Variants in AFM observed in about 807,000 individuals in gnomAD.
AFM encodes the protein afamin.
AFM carries 82 observed loss-of-function variants against 68.7 expected under a neutral mutation model. The ratio of observed to expected loss-of-function variants is 1.19; its 90% CI spans 1.00 to 1.43. AFM has a LOEUF of 1.43. AFM is among the 40% of genes most tolerant of loss of function. The pLI is 0.00. For missense variants in AFM, 772 were observed against 701.8 expected (o/e 1.10, Z -1.13); for synonymous variants, 250 against 234.2 (o/e 1.07, Z -0.61).
intron 7 of AFM, among the ~76,000 whole-genome samples, chr4:73,490,199 AAAAAG>A (rs1486870004): frequency 6.6e-6 from 1 of 151,930 alleles, no homozygotes; most frequent in Non-Finnish European, 1.5e-5. Flanking sequence ...AAAAAAAAAA[AAAAAG>A]AAAGAAAGAA....
rs1269105669 is a variant in AFM at position 73,488,001 on chromosome 4, G to C, written c.713+180G>C. ...ATTAGGTTGAGATGAGAGAAGTTTTGGGAGGTGAGGAGACCCAAAAGAGAA... is the reference window on the plus strand; with the variant it reads ...ATTAGGTTGAGATGAGAGAAGTTTTCGGAGGTGAGGAGACCCAAAAGAGAA... On this transcript the variant is annotated intron_variant, in intron 6 of 14. Coordinates refer to ENST00000226355, the MANE Select transcript of AFM (RefSeq NM_001133.2). Among the ~76,000 whole-genome samples, 3 of 151,998 alleles carry C rather than the reference G, an allele frequency of 2.0e-5. No homozygotes were observed. The East Asian group carries it at 5.8e-4, about 29-fold the overall frequency.
chr4:73,495,375 A>C lies in AFM; in HGVS notation c.1134A>C (p.Lys378Asn). ...TTTTAAGAATTGTTCAAATATACAAAGATCTCCTGAGAAATTGCTGCAACA... is the reference window on the plus strand; with the variant it reads ...TTTTAAGAATTGTTCAAATATACAACGATCTCCTGAGAAATTGCTGCAACA... ...PELLRIVQIY[K>N]DLLRNCCNTE... The change falls in exon 9 of 15, where the codon AAA (lysine) becomes AAC (asparagine). Residue 378 changes from lysine (K) to asparagine (N), a missense_variant. Lys to Asn is a moderately conservative substitution (Grantham distance 94). Transcript: ENST00000226355. The C allele has an allele frequency of 6.2e-7, 1 of 1,613,464 alleles. No individual in the cohort carries two copies. The highest frequency in any genetic ancestry group is 8.5e-7 in the Non-Finnish European group (1 of 1,179,760).
intron 7 of AFM, among the ~76,000 whole-genome samples, chr4:73,491,665 T>A (rs1721073525): frequency 6.6e-6 from 1 of 152,244 alleles, no homozygotes; most frequent in African/African-American, 2.4e-5. Context: ...CATAATTATA[T>A]CATCTTAAAT....
At chr4:73,499,941 T>G in intron 11 of AFM, 63 bp from the exon 12 acceptor site, 1 of 1,395,288 alleles carries the variant, frequency 7.2e-7, no homozygotes. Context: ...CATCTAACCA[T>G]ATTTTTAGAA....
At chr4:73,496,608 A>G (rs1246626970) in intron 9 of AFM, among the ~76,000 whole-genome samples, 1 of 152,192 alleles carries the variant, frequency 6.6e-6, no homozygotes, top group Non-Finnish European at 1.5e-5. Context: ...TGCACATGGA[A>G]ATTAACTTTG....
At chr4:73,494,902 C>A (rs907406343) in intron 8 of AFM, among the ~76,000 whole-genome samples, 3 of 152,098 alleles carry the variant, frequency 2.0e-5, no homozygotes, top group Non-Finnish European at 4.4e-5. Flanking sequence ...ACATTGTGGG[C>A]GGGAAGGAAG....
At chr4:73,495,181 G>A in intron 8 of AFM, 119 bp from the exon 9 acceptor site, 1 of 926,264 alleles carries the variant, frequency 1.1e-6, no homozygotes, top group East Asian at 2.8e-5. Flanking sequence ...CCAAGACAGA[G>A]GAGAAAATTA....
At chr4:73,485,659 G>A (rs1720878392) in intron 3 of AFM, among the ~76,000 whole-genome samples, 1 of 136,702 alleles carries the variant, frequency 7.3e-6, no homozygotes, top group Non-Finnish European at 1.6e-5. Context: ...AAGAAGGGGA[G>A]GAGGAGGAGG....
intron 4 of AFM, 125 bp from the exon 5 acceptor site, chr4:73,486,838 CTCTT>C (rs1385793701): frequency 7.5e-6 from 7 of 936,244 alleles, no homozygotes; most frequent in South Asian, 1.8e-5. Context: ...CTCTTCTTGT[CTCTT>C]TCTATTTTTT....
At chr4:73,485,825 A>G (rs1359882633) in intron 3 of AFM, 37 bp from the exon 4 acceptor site, 13 of 1,552,348 alleles carry the variant, frequency 8.4e-6, no homozygotes, top group Admixed American at 1.7e-5. Flanking sequence ...TTACTTTACC[A>G]TGACTAAAAA....
At chr4:73,484,519 T>C (rs1720834435) in intron 3 of AFM, 129 bp downstream of exon 3, 3 of 715,616 alleles carry the variant, frequency 4.2e-6, no homozygotes, top group African/African-American at 2.1e-5. Flanking sequence ...TCTTTCTTTC[T>C]TCTTTCTTTC....
intron 7 of AFM, among the ~76,000 whole-genome samples, chr4:73,491,327 C>T (rs1721064914): frequency 6.6e-6 from 1 of 152,110 alleles, no homozygotes; most frequent in Non-Finnish European, 1.5e-5. Flanking sequence ...AAATGATATC[C>T]ATTAGAAAAT....
At position 73,492,172 on chromosome 4, in the gene AFM, C is replaced by T; in HGVS notation, c.1058+86C>T. The T allele has an allele frequency of 3.3e-6, 4 of 1,218,058 alleles. No homozygotes were observed. In the South Asian group the frequency reaches 4.1e-5, roughly 13 times the overall value. The allele number at this position is 1,218,058 out of a possible 1,614,324, so 75.5% of individuals were successfully genotyped here. ...TTTGTTGCTAATTTAGGTGGAAGGA[C>T]ATGGTACCGTTTATTTCACTAGGTA... On this transcript the variant is annotated intron_variant, in intron 8 of 14. Transcript: ENST00000226355.
chr4:73,487,810 T>G lies in AFM; in HGVS notation c.702T>G (p.Val234=). ...CGALLKFGTK[V]VHFIYIAILS... The stretch of plus-strand genomic sequence containing the variant: ...CACTTTTGAAATTTGGAACCAAAGT[T>G]GTACACTTTATGTGAGTTTTATACT... The change falls in exon 6 of 15, where the codon GTT becomes GTG. Residue 234 remains valine, a synonymous_variant. Coordinates refer to ENST00000226355, the MANE Select transcript of AFM (RefSeq NM_001133.2). 1.2e-6 allele frequency: 2 copies of G among 1,600,740 alleles called. No individual in the cohort carries two copies. Among genetic ancestry groups the G allele is most frequent in the Non-Finnish European group, 1.7e-6 (2 of 1,168,052 alleles).
rs1351383834 is a variant in AFM, at chr4:73,481,803, AT to A, written c.35del (p.Phe12SerfsTer5). The A allele has an allele frequency of 2.5e-6, 4 of 1,606,404 alleles. No homozygotes were observed. The highest frequency in any genetic ancestry group is 4.5e-5 in the East Asian group (2 of 44,682). MKLLKLTGF[I>X]FFLFFLTESL... ...GAAACTACTAAAACTTACAGGTTTTATTTTTTTCTTGTTTTTTTTGACTGAA... is the reference window on the plus strand; with the variant it reads ...GAAACTACTAAAACTTACAGGTTTTATTTTTTCTTGTTTTTTTTGACTGAA... On this transcript the variant is annotated frameshift_variant, in exon 1 of 15. Transcript: ENST00000226355. LOFTEE classifies it high-confidence loss of function.
At chr4:73,500,832 T>G (rs897420331) in intron 12 of AFM, among the ~76,000 whole-genome samples, 2 of 152,192 alleles carry the variant, frequency 1.3e-5, no homozygotes, top group East Asian at 3.8e-4. Context: ...AATAATACTC[T>G]TATTATGTGC....
In AFM at chr4:73,486,972, TA is replaced by T; in HGVS notation, c.489del (p.Leu163PhefsTer17). On this transcript the variant is annotated frameshift_variant, in exon 5 of 15. Transcript: ENST00000226355. LOFTEE classifies it high-confidence loss of function. ...SNRESLLNHFLYEVARRNPFV... is the reference protein window; with the variant it reads ...SNRESLLNHFXYEVARRNPFV... ...TTCATTTTTATTTTTTATAGCTTTT[TA>T]TATGAAGTTGCCAGAAGGAACCCAT... 6.2e-7 allele frequency: 1 copy of T among 1,612,856 alleles called. No homozygotes were observed. The highest frequency in any genetic ancestry group is 2.2e-5 in the East Asian group (1 of 44,838).
chr4:73,498,577 G>A (rs1279038789), intron 10 of AFM, among the ~76,000 whole-genome samples: 1 of 152,124 alleles, frequency 6.6e-6, no homozygotes, highest in Non-Finnish European at 1.5e-5. Flanking sequence ...ACTGCACCTG[G>A]CCTCATGCTA....
chr4:73,486,175 G>T (rs1720897955), intron 4 of AFM, 102 bp downstream of exon 4: 1 of 965,900 alleles, frequency 1.0e-6, no homozygotes, highest in East Asian at 2.6e-5. Context: ...TTAATTTATT[G>T]ATTAATTGTT....
Sources: allele counts gnomAD v4.1 joint callset (sites outside exome capture counted in the v4.1 genomes callset), GRCh38; gene constraint gnomAD v4.1.1; transcripts MANE v1.5; gene names NCBI Gene and HGNC (gene_info 2026-07-23, HGNC 2026-07-21).